The following FTO variants were observed in gnomAD, a reference collection of about 807,000 sequenced individuals.
FTO encodes alpha-ketoglutarate-dependent dioxygenase FTO.
In FTO, 47 loss-of-function variants were observed where a neutral mutation model predicts 63.9. That is an observed-to-expected ratio of 0.74 (90% CI 0.58 to 0.94). The LOEUF (loss-of-function observed/expected upper bound fraction) is 0.94. Ranked by LOEUF, FTO falls within the 40% of genes least tolerant of loss-of-function variation. The pLI is 0.00. For synonymous variants in FTO, 207 were observed against 224.4 expected (o/e 0.92, Z 0.69); for missense variants, 562 against 618.1 (o/e 0.91, Z 0.96).
intron 8 of FTO, among the ~76,000 whole-genome samples, chr16:53,938,411 C>T (rs138161571): frequency 5.9e-5 from 9 of 152,326 alleles, no homozygotes; most frequent in East Asian, 1.9e-4. Context: ...TTAAAGCTCT[C>T]CCCCAGTTTC....
intron 4 of FTO, among the ~76,000 whole-genome samples, chr16:53,864,451 A>G (rs916055640): frequency 2.0e-5 from 3 of 152,194 alleles, no homozygotes; most frequent in Admixed American, 1.3e-4. Context: ...AGTCGTGAAC[A>G]TGAATTGGTT....
At chr16:54,062,202 A>C (rs1197326413) in intron 8 of FTO, among the ~76,000 whole-genome samples, 1 of 152,244 alleles carries the variant, frequency 6.6e-6, no homozygotes, top group East Asian at 1.9e-4. Flanking sequence ...GTCATTTGGC[A>C]AACCCAAAGT....
intron 1 of FTO, among the ~76,000 whole-genome samples, chr16:53,782,362 T>C (rs2077609519): frequency 6.6e-6 from 1 of 152,220 alleles, no homozygotes; most frequent in Non-Finnish European, 1.5e-5. Context: ...ACTGTGGCAA[T>C]CAATATCTGA....
At chr16:53,737,336 A>C (rs1598526083) in intron 1 of FTO, among the ~76,000 whole-genome samples, 1 of 152,312 alleles carries the variant, frequency 6.6e-6, no homozygotes, top group African/African-American at 2.4e-5. Flanking sequence ...ATTGTTAGGC[A>C]GTTTCATCAT....
chr16:54,059,462 C>T (rs2085518670), intron 8 of FTO, among the ~76,000 whole-genome samples: 1 of 152,122 alleles, frequency 6.6e-6, no homozygotes, highest in Non-Finnish European at 1.5e-5. Context: ...GGGTAATCTG[C>T]TATGCCTTGC....
intron 7 of FTO, among the ~76,000 whole-genome samples, chr16:53,915,184 A>G (rs1381149592): frequency 2.0e-5 from 3 of 152,134 alleles, no homozygotes. Flanking sequence ...TACTGACCCA[A>G]CCAAATTGCT....
intron 4 of FTO, among the ~76,000 whole-genome samples, chr16:53,852,101 C>CAAAAAAAAA (rs57004473): frequency 0.066 from 3,578 of 54,116 alleles, 498 homozygotes; most frequent in East Asian, 0.31. Flanking sequence ...ACAAAAAATA[C>CAAAAAAAAA]AAAAAAAAAA....
At chr16:53,919,422 T>C (rs2081957043) in intron 7 of FTO, among the ~76,000 whole-genome samples, 1 of 152,078 alleles carries the variant, frequency 6.6e-6, no homozygotes, top group South Asian at 2.1e-4. Context: ...TGGAGATGCC[T>C]TAAAGAACTA....
At chr16:53,753,710 C>G (rs2076852657) in intron 1 of FTO, among the ~76,000 whole-genome samples, 1 of 152,180 alleles carries the variant, frequency 6.6e-6, no homozygotes, top group Admixed American at 6.5e-5. Flanking sequence ...CTACTACCAT[C>G]ATTTAGCTAT....
chr16:53,892,043 G>T (rs1198665737), intron 7 of FTO, among the ~76,000 whole-genome samples: 2 of 152,070 alleles, frequency 1.3e-5, no homozygotes, highest in Non-Finnish European at 2.9e-5. Flanking sequence ...TGTAAGCATT[G>T]CTTCAAGCCT....
chr16:53,904,387 A>G (rs1293782700), intron 7 of FTO, among the ~76,000 whole-genome samples: 1 of 152,226 alleles, frequency 6.6e-6, no homozygotes, highest in Admixed American at 6.5e-5. Context: ...CCCAGGCTCC[A>G]TTCTGTTACT....
Position 53,939,235 on chromosome 16 carries a change from C to T in FTO, c.1364+5126C>T, listed in dbSNP as rs114866449. Reference sequence around the variant, plus strand: ...AGCATATTTTTCATCAAGGTTTTGGCTTGACTATCTATGTCTGGGGGCATT... The same window carrying T: ...AGCATATTTTTCATCAAGGTTTTGGTTTGACTATCTATGTCTGGGGGCATT... On this transcript the variant is annotated intron_variant, in intron 8 of 8. Transcript: ENST00000471389. Among the ~76,000 whole-genome samples the T allele has an allele frequency of 1.2e-3, 178 of 152,300 alleles. 1 individual carries two copies. Among genetic ancestry groups the T allele is most frequent in the African/African-American group, 4.2e-3 (173 of 41,564 alleles).
intron 7 of FTO, among the ~76,000 whole-genome samples, chr16:53,916,001 A>G (rs149484128): frequency 2.6e-3 from 399 of 152,348 alleles, no homozygotes; most frequent in African/African-American, 9.2e-3. Flanking sequence ...AGACAGAAAC[A>G]TGACTTTTGT....
intron 8 of FTO, among the ~76,000 whole-genome samples, chr16:54,006,774 C>G (rs879838393): frequency 1.3e-5 from 2 of 152,234 alleles, no homozygotes; most frequent in Non-Finnish European, 2.9e-5. Flanking sequence ...TAAACCCACA[C>G]TGAACCAAGT....
intron 4 of FTO, among the ~76,000 whole-genome samples, chr16:53,868,910 C>A (rs2080409179): frequency 1.3e-5 from 2 of 152,100 alleles, no homozygotes; most frequent in South Asian, 2.1e-4. Context: ...TGGCTCACTG[C>A]AACCTCCGCC....
intron 3 of FTO, among the ~76,000 whole-genome samples, chr16:53,834,241 G>A (rs2079226712): frequency 6.6e-6 from 1 of 152,036 alleles, no homozygotes; most frequent in African/African-American, 2.4e-5. Flanking sequence ...AGCCAGGATG[G>A]TCTTGATCTC....
At position 54,115,128 on chromosome 16, in the gene FTO, T is replaced by A. The variant is rs2144645311; in HGVS notation, c.*3213T>A. ...CAGAAATCGCACCCTTCTCCCCATG[T>A]GTGCGGATAAGGGACCACTTCCATC... On this transcript the variant is annotated 3_prime_UTR_variant, in exon 9 of 9. Transcript: ENST00000471389. 1 of 152,276 alleles carries A rather than the reference T, an allele frequency of 6.6e-6. No individual in the cohort carries two copies. The highest frequency in any genetic ancestry group is 1.9e-4 in the East Asian group (1 of 5,154). 9.4% of individuals were successfully genotyped at this position (152,276 alleles called of 1,614,324 possible).
chr16:53,792,065 G>A (rs1036043914), intron 1 of FTO, among the ~76,000 whole-genome samples: 6 of 138,974 alleles, frequency 4.3e-5, no homozygotes, highest in Admixed American at 3.9e-4. Flanking sequence ...CACAGAGCGA[G>A]ACTTCGTCTC....
At chr16:53,880,195 C>T (rs2080785160) in intron 6 of FTO, among the ~76,000 whole-genome samples, 1 of 152,094 alleles carries the variant, frequency 6.6e-6, no homozygotes, top group Non-Finnish European at 1.5e-5. Flanking sequence ...CGAGGTTTCA[C>T]CACGTTGGCC....
Sources: gnomAD v4.1 joint callset for allele counts (sites outside exome capture counted in the v4.1 genomes callset) on GRCh38, gnomAD v4.1.1 for gene constraint, MANE v1.5 for transcripts, NCBI Gene and HGNC (gene_info 2026-07-23, HGNC 2026-07-21) for gene names.